Variants in SNX29 observed in about 807,000 individuals in gnomAD.
The protein encoded by SNX29 is sorting nexin-29.
SNX29 carries 78 observed loss-of-function variants against 102.1 expected under a neutral mutation model. That is an observed-to-expected ratio of 0.76 (90% CI 0.64 to 0.92). The LOEUF (loss-of-function observed/expected upper bound fraction) is 0.92. Ranked by LOEUF, SNX29 falls within the 40% of genes least tolerant of loss-of-function variation. The probability of loss-of-function intolerance (pLI) is 0.00; values close to 1 mark genes in which losing one functional copy is unlikely to be tolerated. For synonymous variants in SNX29, 580 were observed against 414.5 expected (o/e 1.40, Z -4.85); for missense variants, 1,280 against 1,061.7 (o/e 1.21, Z -2.86).
intron 11 of SNX29, among the ~76,000 whole-genome samples, chr16:12,102,303 AATG>A (rs2053057110): frequency 6.6e-6 from 1 of 152,150 alleles, no homozygotes; most frequent in Admixed American, 6.5e-5. Flanking sequence ...TGCTGGGTCA[AATG>A]ATATTTCTGG....
In SNX29 at chr16:12,452,514, A is replaced by T. The variant is rs1597428988; in HGVS notation, c.2038-25205A>T. Among the ~76,000 whole-genome samples, 4 of 152,100 alleles carry T rather than the reference A, an allele frequency of 2.6e-5. No homozygotes were observed. In the East Asian group the frequency reaches 7.7e-4, roughly 29 times the overall value. On this transcript the variant is annotated intron_variant, in intron 18 of 20. Transcript: ENST00000566228. ...TAGAGACCAGAGGAGTTCAGAGGAG[A>T]GTTGCCTCATACAGCCTGGAGGCAG...
intron 19 of SNX29, among the ~76,000 whole-genome samples, chr16:12,523,894 G>A (rs1255760525): frequency 6.6e-6 from 1 of 150,632 alleles, no homozygotes; most frequent in Non-Finnish European, 1.5e-5. Flanking sequence ...GGTTTTTTTT[G>A]TGTGTGTGTG....
chr16:12,011,132 G>C (rs986330172), intron 3 of SNX29, among the ~76,000 whole-genome samples: 5 of 149,046 alleles, frequency 3.4e-5, no homozygotes, highest in African/African-American at 1.2e-4. Flanking sequence ...CTCTGTAGTA[G>C]ACAGTCCATA....
chr16:12,557,380 G>C (rs6498320), intron 20 of SNX29: 1 of 151,954 alleles, frequency 6.6e-6, no homozygotes, highest in East Asian at 1.9e-4. Context: ...GAGGGCTTGC[G>C]AATAGAAACA....
chr16:12,353,903 G>A (rs957037485), intron 15 of SNX29, among the ~76,000 whole-genome samples: 2 of 152,226 alleles, frequency 1.3e-5, no homozygotes, highest in Admixed American at 1.3e-4. Flanking sequence ...GCTTGGAGGA[G>A]AATGGATTGG....
intron 14 of SNX29, among the ~76,000 whole-genome samples, chr16:12,255,992 C>A (rs530581865): frequency 1.3e-5 from 2 of 152,292 alleles, no homozygotes; most frequent in Admixed American, 6.5e-5. Flanking sequence ...TACGTTCCTA[C>A]CCACAGTGTA....
chr16:12,028,810 A>G (rs2057262343), intron 4 of SNX29, among the ~76,000 whole-genome samples: 2 of 152,080 alleles, frequency 1.3e-5, no homozygotes, highest in South Asian at 2.1e-4. Flanking sequence ...GTGCAATGGC[A>G]CCGTCTTGGC....
Position 12,567,223 on chromosome 16 carries a change from A to G in SNX29, c.2319-1283A>G, listed in dbSNP as rs187117873. ...TTTGGTCCTTTCTAAACCACAGATA[A>G]GGCAGAGCTAGCTGTGGACACAGTC... On this transcript the variant is annotated intron_variant, in intron 20 of 20. Transcript: ENST00000566228. Among the ~76,000 whole-genome samples, 96 of 152,168 alleles carry G rather than the reference A, an allele frequency of 6.3e-4. 1 individual carries two copies. The highest frequency in any genetic ancestry group is 2.2e-3 in the African/African-American group (91 of 41,406).
intron 14 of SNX29, among the ~76,000 whole-genome samples, chr16:12,214,069 G>A (rs1219157209): frequency 1.3e-5 from 2 of 152,156 alleles, no homozygotes; most frequent in African/African-American, 4.8e-5. Context: ...TCTAAAAGTG[G>A]CCCTCGTCTC....
chr16:12,564,678 T>TC (rs1267087515), intron 20 of SNX29, among the ~76,000 whole-genome samples: 1 of 152,074 alleles, frequency 6.6e-6, no homozygotes, highest in Non-Finnish European at 1.5e-5. Flanking sequence ...GTCCACACAT[T>TC]CCTCTGTTGC....
At chr16:12,495,041 G>A (rs1488569919) in intron 19 of SNX29, among the ~76,000 whole-genome samples, 2 of 152,226 alleles carry the variant, frequency 1.3e-5, no homozygotes, top group Non-Finnish European at 2.9e-5. Flanking sequence ...GACCCCTGAA[G>A]CCTTCAAGCT....
At position 12,009,483 on chromosome 16, in the gene SNX29, A is replaced by G. The variant is rs577443504; in HGVS notation, c.122+6440A>G. 1.1e-3 allele frequency among the ~76,000 whole-genome samples: 157 copies of G among 140,210 alleles called. 1 individual carries two copies. Among genetic ancestry groups the G allele is most frequent in the African/African-American group, 4.0e-3 (148 of 37,332 alleles). 92.0% of individuals were successfully genotyped at this position (140,210 alleles called of 152,430 possible). A position where few individuals can be genotyped will look rare whatever the true frequency, so the allele number is the denominator to read the frequency against. ...TATGTGTGTGTGTGTGTGTGTGTAT[A>G]TATATATATGTATATTTGATCTTGT... On this transcript the variant is annotated intron_variant, in intron 3 of 20. Coordinates refer to ENST00000566228, the MANE Select transcript of SNX29 (RefSeq NM_032167.5).
At chr16:12,089,410 G>A (rs79650654) in intron 11 of SNX29, among the ~76,000 whole-genome samples, 3,797 of 152,220 alleles carry the variant, frequency 0.025, 64 homozygotes, top group Non-Finnish European at 0.039. Flanking sequence ...AGTATAATAT[G>A]ATCGCCACAC....
intron 18 of SNX29, among the ~76,000 whole-genome samples, chr16:12,408,540 G>A (rs2084266891): frequency 6.6e-6 from 1 of 152,252 alleles, no homozygotes; most frequent in Non-Finnish European, 1.5e-5. Flanking sequence ...AAGTCCTCCG[G>A]CCAGGTGCAG....
chr16:12,207,825 T>G (rs2077084277), intron 14 of SNX29, among the ~76,000 whole-genome samples: 1 of 152,206 alleles, frequency 6.6e-6, no homozygotes, highest in Non-Finnish European at 1.5e-5. Flanking sequence ...TGCTTTTTGC[T>G]ATTATGGGTT....
chr16:12,368,087 A>G (rs1195037957), intron 16 of SNX29, among the ~76,000 whole-genome samples: 3 of 152,182 alleles, frequency 2.0e-5, no homozygotes, highest in Non-Finnish European at 4.4e-5. Flanking sequence ...TGGAAGTATT[A>G]ATATCACAGA....
chr16:12,391,823 C>T (rs1451922088), intron 16 of SNX29, among the ~76,000 whole-genome samples: 1 of 152,216 alleles, frequency 6.6e-6, no homozygotes. Flanking sequence ...ATTCACTGTT[C>T]TGATTTTCTT....
chr16:12,319,524 C>G (rs1841999548), intron 15 of SNX29, among the ~76,000 whole-genome samples: 1 of 152,164 alleles, frequency 6.6e-6, no homozygotes, highest in Admixed American at 6.5e-5. Context: ...TTCAGAGACA[C>G]TCATATAAAA....
At chr16:12,502,896 T>C (rs2089192773) in intron 19 of SNX29, among the ~76,000 whole-genome samples, 1 of 152,238 alleles carries the variant, frequency 6.6e-6, no homozygotes, top group Admixed American at 6.5e-5. Context: ...CAGGAGCGAT[T>C]AGAGCTGCCA....
Sources: allele counts gnomAD v4.1 joint callset (sites outside exome capture counted in the v4.1 genomes callset), GRCh38; gene constraint gnomAD v4.1.1; transcripts MANE v1.5; gene names NCBI Gene and HGNC (gene_info 2026-07-23, HGNC 2026-07-21).